CDH12: variants seen among roughly 807,000 people sequenced by gnomAD.
CDH12 encodes the protein cadherin 12, also known as cadherin-12.
In CDH12, 41 loss-of-function variants were observed where a neutral mutation model predicts 74.1. The observed-to-expected ratio is 0.55, with a 90% CI of 0.43 to 0.72. The LOEUF (loss-of-function observed/expected upper bound fraction) is 0.72, where lower values mean the gene tolerates loss of function less well. Among genes scored for constraint, CDH12 ranks in the 30% least tolerant of loss-of-function variants. CDH12 has a pLI of 0.00. For missense variants in CDH12, 945 were observed against 977.2 expected (o/e 0.97, Z 0.44); for synonymous variants, 399 against 355.0 (o/e 1.12, Z -1.39).
intron 4 of CDH12, among the ~76,000 whole-genome samples, chr5:22,193,039 T>A (rs1481731572): frequency 6.6e-6 from 1 of 152,190 alleles, no homozygotes; most frequent in East Asian, 1.9e-4. Context: ...AAAAAAATCA[T>A]AGTTTAGTAA....
At chr5:21,879,319 T>C (rs1354195016) in intron 6 of CDH12, among the ~76,000 whole-genome samples, 1 of 152,218 alleles carries the variant, frequency 6.6e-6, no homozygotes, top group Non-Finnish European at 1.5e-5. Flanking sequence ...AAGCAGCACA[T>C]TAAAAGAAAG....
chr5:22,291,652 G>T (rs1737392351), intron 3 of CDH12, among the ~76,000 whole-genome samples: 1 of 152,082 alleles, frequency 6.6e-6, no homozygotes, highest in Non-Finnish European at 1.5e-5. Flanking sequence ...GGAGGTAAAA[G>T]ATCTCTACAC....
chr5:21,857,572 C>T (rs2150004181), intron 6 of CDH12, among the ~76,000 whole-genome samples: 1 of 151,800 alleles, frequency 6.6e-6, no homozygotes, highest in South Asian at 2.1e-4. Flanking sequence ...TACTGTCACT[C>T]AAAGGGAATA....
intron 2 of CDH12, among the ~76,000 whole-genome samples, chr5:22,423,145 A>C (rs1019735454): frequency 2.0e-5 from 3 of 151,812 alleles, no homozygotes; most frequent in Non-Finnish European, 4.4e-5. Flanking sequence ...TATCTCCATC[A>C]CAATTTGTGC....
chr5:21,953,644 TAAAGTA>T (rs1755966194), intron 6 of CDH12, among the ~76,000 whole-genome samples: 2 of 152,160 alleles, frequency 1.3e-5, no homozygotes, highest in African/African-American at 4.8e-5. Flanking sequence ...TTTAGTTCTT[TAAAGTA>T]AAAGTACAAA....
intron 5 of CDH12, among the ~76,000 whole-genome samples, chr5:21,995,841 G>C (rs1736256980): frequency 6.6e-6 from 1 of 151,942 alleles, no homozygotes; most frequent in African/African-American, 2.4e-5. Flanking sequence ...AACTACTGCT[G>C]TATTTTTAGT....
chr5:22,004,308 T>C (rs935557317), intron 5 of CDH12, among the ~76,000 whole-genome samples: 6 of 152,198 alleles, frequency 3.9e-5, no homozygotes, highest in Non-Finnish European at 7.3e-5. Flanking sequence ...TCTCAGTGCA[T>C]AGAAATCCTA....
At chr5:22,779,782 A>G (rs1747294658) in intron 1 of CDH12, among the ~76,000 whole-genome samples, 1 of 152,258 alleles carries the variant, frequency 6.6e-6, no homozygotes, top group Admixed American at 6.5e-5. Context: ...AGGCCTCCTC[A>G]GCCATGTGGA....
intron 4 of CDH12, among the ~76,000 whole-genome samples, chr5:22,095,238 G>A (rs182072890): frequency 2.7e-3 from 409 of 152,152 alleles, no homozygotes; most frequent in African/African-American, 8.9e-3. Context: ...CTTCTCCAAC[G>A]TCTCTCACTA....
At chr5:22,011,635 T>C (rs1326548931) in intron 5 of CDH12, among the ~76,000 whole-genome samples, 1 of 152,180 alleles carries the variant, frequency 6.6e-6, no homozygotes, top group African/African-American at 2.4e-5. Flanking sequence ...ACTAACTTAG[T>C]CCCTGGTTTC....
intron 6 of CDH12, among the ~76,000 whole-genome samples, chr5:21,894,347 C>A (rs10072708): frequency 0.16 from 23,731 of 147,500 alleles, 2,058 homozygotes; most frequent in African/African-American, 0.21. Flanking sequence ...CCGCTGCACT[C>A]CAGCCTGGGC....
At chr5:21,823,436 A>G (rs1748480359) in intron 8 of CDH12, among the ~76,000 whole-genome samples, 1 of 152,116 alleles carries the variant, frequency 6.6e-6, no homozygotes, top group South Asian at 2.1e-4. Flanking sequence ...CCTATAGCCT[A>G]TATAGCTTGG....
chr5:21,802,170 A>G lies in CDH12; in HGVS notation c.1253T>C (p.Val418Ala). ...AQDLDVGSSA[V>A]RYFIDWKSDG... ...AAAAAATGTTTCTTTTTCTCACCTA[A>G]CAGCACTGCTGCCTACATCCAGGTC... Residue 418 changes from valine (V) to alanine (A), a missense_variant, in exon 10 of 15, where the codon GTT (valine) becomes GCT (alanine). This residue lies in a region of CDH12 where 791 missense variants were observed against 792.8 expected (regional missense o/e 1.00). Transcript: ENST00000382254. The G allele has an allele frequency of 6.2e-6, 10 of 1,612,414 alleles. No homozygotes were observed. Among genetic ancestry groups the G allele is most frequent in the Non-Finnish European group, 8.5e-6 (10 of 1,179,040 alleles).
intron 1 of CDH12, among the ~76,000 whole-genome samples, chr5:22,528,360 A>G (rs1246251051): frequency 1.3e-5 from 2 of 152,060 alleles, no homozygotes; most frequent in African/African-American, 2.4e-5. Context: ...CAATGTCCTG[A>G]GCTTCATCAA....
At position 22,502,065 on chromosome 5, in the gene CDH12, C is replaced by T. The variant is rs1008931711; in HGVS notation, c.-428+3205G>A. On this transcript the variant is annotated intron_variant, in intron 2 of 14. Coordinates refer to ENST00000382254, the MANE Select transcript of CDH12 (RefSeq NM_004061.5). ...CATTTGTCGACACTCTTTGCATCCT[C>T]ATCTTCATAAAATAAAGGATTAGTG... Among the ~76,000 whole-genome samples, 47 of 152,128 alleles carry T rather than the reference C, an allele frequency of 3.1e-4. 1 individual carries two copies. The highest frequency in any genetic ancestry group is 1.3e-4 in the Non-Finnish European group (9 of 68,018).
At chr5:21,947,807 C>T (rs6884315) in intron 6 of CDH12, among the ~76,000 whole-genome samples, 3,515 of 152,290 alleles carry the variant, frequency 0.023, 130 homozygotes, top group African/African-American at 0.079. Flanking sequence ...ACCCAGCGGC[C>T]TCTGAGGAAA....
At position 21,751,651 on chromosome 5, in the gene CDH12, T is replaced by TGTGTGTGTGTGTGA. The variant is rs766005547; in HGVS notation, c.*85_*86insTCACACACACACAC. 575 of 959,074 alleles carry TGTGTGTGTGTGTGA rather than the reference T, an allele frequency of 6.0e-4. 1 individual carries two copies. The African/African-American group carries it at 6.0e-3, about 10-fold the overall frequency. 59.4% of individuals were successfully genotyped at this position (959,074 alleles called of 1,614,324 possible). A position where few individuals can be genotyped will look rare whatever the true frequency, so the allele number is the denominator to read the frequency against. The stretch of plus-strand genomic sequence containing the variant: ...GTGTGTTTGTGTGTGTGTGTGTGTG[T>TGTGTGTGTGTGTGA]GAGAGAGATTTCTATTAATATTTGT... On this transcript the variant is annotated 3_prime_UTR_variant, in exon 15 of 15. Transcript: ENST00000382254.
intron 4 of CDH12, among the ~76,000 whole-genome samples, chr5:22,159,063 T>C (rs763852116): frequency 6.6e-6 from 1 of 152,114 alleles, no homozygotes; most frequent in Non-Finnish European, 1.5e-5. Context: ...AGGTCCATAG[T>C]TTTAGCAGAG....
chr5:21,878,813 AAAGAAAGAG>A (rs1321762963), intron 6 of CDH12, among the ~76,000 whole-genome samples: 1 of 150,414 alleles, frequency 6.6e-6, no homozygotes, highest in Non-Finnish European at 1.5e-5. Flanking sequence ...AGAAAGAAAG[AAAGAAAGAG>A]AAAAGAAAAG....
Sources: allele counts gnomAD v4.1 joint callset (sites outside exome capture counted in the v4.1 genomes callset), GRCh38; gene constraint gnomAD v4.1.1; regional missense constraint gnomAD v4.1.1; transcripts MANE v1.5; gene names NCBI Gene and HGNC (gene_info 2026-07-23, HGNC 2026-07-21).